The following APBA1 variants were observed in gnomAD, a reference collection of about 807,000 sequenced individuals.
APBA1 encodes the protein amyloid-beta A4 precursor protein-binding family A member 1.
In APBA1, 55 loss-of-function variants were observed where a neutral mutation model predicts 86.6. The observed-to-expected ratio is 0.64, with a 90% confidence interval of 0.51 to 0.80. The LOEUF (loss-of-function observed/expected upper bound fraction) is 0.80. APBA1 is among the 30% of genes least tolerant of loss of function. The pLI is 0.00. For missense variants in APBA1, 1,090 were observed against 1,183.0 expected (o/e 0.92, Z 1.15); for synonymous variants, 511 against 493.9 (o/e 1.03, Z -0.46).
intron 1 of APBA1, among the ~76,000 whole-genome samples, chr9:69,629,649 G>A (rs1588401292): frequency 1.3e-5 from 2 of 152,188 alleles, no homozygotes; most frequent in Non-Finnish European, 2.9e-5. Context: ...GAGCCTGGGA[G>A]TTCAGTCGAG....
At chr9:69,547,590 C>A (rs555023555) in intron 1 of APBA1, among the ~76,000 whole-genome samples, 1 of 152,288 alleles carries the variant, frequency 6.6e-6, no homozygotes, top group South Asian at 2.1e-4. Context: ...AGGAAGAATG[C>A]ATATTGAATA....
intron 1 of APBA1, among the ~76,000 whole-genome samples, chr9:69,606,582 C>T (rs189971690): frequency 0.011 from 1,653 of 148,058 alleles, 30 homozygotes; most frequent in African/African-American, 0.039. Context: ...AGCTCTGCCT[C>T]CCAGGTTCAC....
At chr9:69,606,946 C>T (rs1234429395) in intron 1 of APBA1, among the ~76,000 whole-genome samples, 1 of 152,128 alleles carries the variant, frequency 6.6e-6, no homozygotes, top group Non-Finnish European at 1.5e-5. Flanking sequence ...CTGCAGGTAA[C>T]TGGATACATT....
chr9:69,644,286 A>G (rs1333806777), intron 1 of APBA1, among the ~76,000 whole-genome samples: 1 of 152,128 alleles, frequency 6.6e-6, no homozygotes, highest in African/African-American at 2.4e-5. Context: ...TAGAGTATTA[A>G]TTTTACATGC....
intron 1 of APBA1, among the ~76,000 whole-genome samples, chr9:69,613,732 A>G (rs1340720971): frequency 6.6e-6 from 1 of 152,204 alleles, no homozygotes; most frequent in Admixed American, 6.5e-5. Flanking sequence ...TGCTCCATGT[A>G]ACCAGGAAAC....
chr9:69,670,983 A>G (rs938120923), intron 1 of APBA1, among the ~76,000 whole-genome samples: 1 of 152,164 alleles, frequency 6.6e-6, no homozygotes, highest in African/African-American at 2.4e-5. Flanking sequence ...AGTGGGCACC[A>G]AACATTTCTC....
intron 1 of APBA1, among the ~76,000 whole-genome samples, chr9:69,537,031 C>T (rs1161679923): frequency 1.4e-5 from 2 of 147,858 alleles, no homozygotes; most frequent in Admixed American, 1.4e-4. Context: ...GTCATCACCA[C>T]TACGCACTAA....
intron 1 of APBA1, among the ~76,000 whole-genome samples, chr9:69,557,955 C>T (rs1836888284): frequency 6.6e-6 from 1 of 152,174 alleles, no homozygotes; most frequent in Non-Finnish European, 1.5e-5. Context: ...ATTAATTGTG[C>T]TGTTCAAATC....
intron 2 of APBA1, among the ~76,000 whole-genome samples, chr9:69,477,321 G>A (rs1369227219): frequency 6.6e-6 from 1 of 151,866 alleles, no homozygotes; most frequent in African/African-American, 2.4e-5. Flanking sequence ...AGTGCAAGGG[G>A]TCAGGGAGTT....
At chr9:69,556,460 A>G (rs2133933774) in intron 1 of APBA1, among the ~76,000 whole-genome samples, 1 of 152,274 alleles carries the variant, frequency 6.6e-6, no homozygotes, top group South Asian at 2.1e-4. Flanking sequence ...AACTGCAGCC[A>G]AAGACAACTT....
rs767615880 is a variant in APBA1 at position 69,471,695 on chromosome 9, A to G, written c.1297T>C (p.Ser433Pro). ...GGGAATGAAGCCAAGCTTTTTCTTG[A>G]CTGTAATAAAGACAAAGAGGTTTCA... ...DPVEASTNKE[S>P]RKSLASFPTY... The change falls in exon 4 of 13, where the codon TCA (serine) becomes CCA (proline). Residue 433 changes from serine to proline, a missense_variant and splice_region_variant. By Grantham distance (74) the Ser-to-Pro change is moderately conservative (BLOSUM62 -1). Coordinates refer to ENST00000265381, the MANE Select transcript of APBA1 (RefSeq NM_001163.4). 1 of 1,613,126 alleles carries G rather than the reference A, an allele frequency of 6.2e-7. No individual in the cohort carries two copies. The highest frequency in any genetic ancestry group is 1.1e-5 in the South Asian group (1 of 91,058).
At chr9:69,591,327 A>G (rs1588381906) in intron 1 of APBA1, among the ~76,000 whole-genome samples, 2 of 152,294 alleles carry the variant, frequency 1.3e-5, no homozygotes, top group African/African-American at 4.8e-5. Flanking sequence ...GTGGAATAGT[A>G]GTTTATACTT....
chr9:69,622,474 T>C (rs577549500), intron 1 of APBA1, among the ~76,000 whole-genome samples: 1 of 152,290 alleles, frequency 6.6e-6, no homozygotes, highest in South Asian at 2.1e-4. Context: ...TCCTGGTCTT[T>C]GAAGTCATTC....
intron 1 of APBA1, among the ~76,000 whole-genome samples, chr9:69,557,139 C>T (rs574626516): frequency 2.0e-5 from 3 of 152,104 alleles, no homozygotes; most frequent in Non-Finnish European, 4.4e-5. Context: ...ATTCATAAAA[C>T]ATGGACAAAG....
chr9:69,516,965 C>T lies in APBA1; in HGVS notation c.246G>A (p.Glu82=), dbSNP rs776165448. Residue 82 remains glutamate (E), a synonymous_variant, in exon 2 of 13, where the codon GAG becomes GAA. Transcript: ENST00000265381. This position sits in a 1 kb window ranked among gnomAD's most constrained non-coding sequence, Gnocchi z 7.3. ...GECLARSAST[E]SGFHNHTDTA... ...TGTCCGTGTGGTTGTGGAAGCCGCT[C>T]TCCGTGCTGGCTGAGCGCGCCAGGC... 4.4e-6 allele frequency: 7 copies of T among 1,592,404 alleles called. No homozygotes were observed. Among genetic ancestry groups the T allele is most frequent in the South Asian group, 1.1e-5 (1 of 90,016 alleles).
At chr9:69,654,244 A>G (rs913572797) in intron 1 of APBA1, among the ~76,000 whole-genome samples, 1 of 152,172 alleles carries the variant, frequency 6.6e-6, no homozygotes, top group Non-Finnish European at 1.5e-5. Flanking sequence ...AATTAGTACA[A>G]GAAAAGAAAT....
chr9:69,452,137 C>T lies in APBA1; in HGVS notation c.1953G>A (p.Ser651=), dbSNP rs558017446. 3.3e-5 allele frequency: 53 copies of T among 1,613,968 alleles called. No homozygotes were observed. The highest frequency in any genetic ancestry group is 1.6e-4 in the Middle Eastern group (1 of 6,084). The change falls in exon 9 of 13, where the codon TCG becomes TCA. Residue 651 remains serine (S), a synonymous_variant. Transcript: ENST00000265381. ...YNDDLIHFSK[S]ENCKDVFIEK... Reference sequence around the variant, plus strand: ...AAGTACCCACATCTTTACAGTTTTCCGACTTGGAGAAGTGGATCAGGTCAT... The same window carrying T: ...AAGTACCCACATCTTTACAGTTTTCTGACTTGGAGAAGTGGATCAGGTCAT...
intron 2 of APBA1, among the ~76,000 whole-genome samples, chr9:69,500,137 C>T (rs911220173): frequency 1.3e-5 from 2 of 152,042 alleles, no homozygotes; most frequent in East Asian, 1.9e-4. Context: ...GAACTAGGGT[C>T]GCCTGAGTGC....
chr9:69,431,812 GATGA>G (rs1199888861), intron 12 of APBA1, among the ~76,000 whole-genome samples: 4 of 152,124 alleles, frequency 2.6e-5, no homozygotes, highest in African/African-American at 9.7e-5. Context: ...TGATAGCAGT[GATGA>G]ATGACAGCAG....
Sources: allele counts gnomAD v4.1 joint callset (sites outside exome capture counted in the v4.1 genomes callset), GRCh38; gene constraint gnomAD v4.1.1; non-coding constraint Gnocchi (gnomAD v3.1); transcripts MANE v1.5; gene names NCBI Gene and HGNC (gene_info 2026-07-23, HGNC 2026-07-21).